Variants in MACROD2 observed in about 807,000 individuals in gnomAD.
MACROD2 encodes the protein mono-ADP ribosylhydrolase 2.
Under a neutral mutation model 70.4 loss-of-function variants are expected in MACROD2, and 36 were observed. The observed-to-expected ratio is 0.51, with a 90% CI of 0.39 to 0.68. MACROD2 has a LOEUF of 0.68. Ranked by LOEUF, MACROD2 falls within the 30% of genes least tolerant of loss-of-function variation. The probability of loss-of-function intolerance (pLI) is 0.00; values close to 1 mark genes in which losing one functional copy is unlikely to be tolerated. For missense variants in MACROD2, 496 were observed against 538.4 expected, an observed-to-expected ratio of 0.92 and a Z score of 0.78; for synonymous variants, 172 against 178.8, an observed-to-expected ratio of 0.96 and a Z score of 0.30.
intron 8 of MACROD2, among the ~76,000 whole-genome samples, chr20:15,809,833 T>A (rs1455287012): frequency 6.6e-6 from 1 of 151,406 alleles, no homozygotes; most frequent in African/African-American, 2.4e-5. Flanking sequence ...TGTGGGCACA[T>A]CTGAGTTGCC....
intron 5 of MACROD2, among the ~76,000 whole-genome samples, chr20:15,127,566 C>G (rs1389350937): frequency 2.0e-5 from 3 of 152,054 alleles, no homozygotes; most frequent in Admixed American, 6.6e-5. Context: ...GCTGGAGGCT[C>G]TATTTCAAGG....
intron 8 of MACROD2, among the ~76,000 whole-genome samples, chr20:15,778,108 G>C (rs1041843782): frequency 3.9e-5 from 6 of 152,200 alleles, no homozygotes; most frequent in Non-Finnish European, 5.9e-5. Flanking sequence ...TCAATCTTAC[G>C]TATGTTAGAG....
chr20:14,734,360 G>A (rs138445121), intron 5 of MACROD2, among the ~76,000 whole-genome samples: 1,655 of 152,014 alleles, frequency 0.011, 27 homozygotes, highest in African/African-American at 0.038. Context: ...AATTAGCCAC[G>A]TGTAGTGGCG....
chr20:15,468,513 T>TGTG (rs2046924390), intron 7 of MACROD2, among the ~76,000 whole-genome samples: 1 of 152,018 alleles, frequency 6.6e-6, no homozygotes, highest in Non-Finnish European at 1.5e-5. Context: ...ACAGTTTGAC[T>TGTG]CAAGAAAAAA....
intron 6 of MACROD2, among the ~76,000 whole-genome samples, chr20:15,258,946 G>A (rs1366364718): frequency 6.6e-6 from 1 of 151,984 alleles, no homozygotes; most frequent in Non-Finnish European, 1.5e-5. Flanking sequence ...CAGGACAAGA[G>A]AGCATAACTT....
intron 3 of MACROD2, among the ~76,000 whole-genome samples, chr20:14,347,162 T>C (rs1249463584): frequency 6.6e-6 from 1 of 152,198 alleles, no homozygotes; most frequent in African/African-American, 2.4e-5. Flanking sequence ...TCAGAGGTGC[T>C]AAGATAGCAA....
At chr20:14,762,500 C>A (rs1034556085) in intron 5 of MACROD2, among the ~76,000 whole-genome samples, 1 of 152,066 alleles carries the variant, frequency 6.6e-6, no homozygotes, top group Admixed American at 6.5e-5. Context: ...TTTAAAGAAG[C>A]CTTTTGATCA....
At chr20:14,006,887 G>C (rs2052831072) in intron 2 of MACROD2, among the ~76,000 whole-genome samples, 1 of 152,124 alleles carries the variant, frequency 6.6e-6, no homozygotes, top group South Asian at 2.1e-4. Flanking sequence ...TTTGTTCAGA[G>C]TGGGGTTTAA....
chr20:15,528,898 T>C (rs893108068), intron 8 of MACROD2, among the ~76,000 whole-genome samples: 1 of 152,202 alleles, frequency 6.6e-6, no homozygotes, highest in East Asian at 1.9e-4. Flanking sequence ...AATACAGCAT[T>C]CTCTCTTCTC....
chr20:14,034,164 C>G (rs371257671), intron 2 of MACROD2, among the ~76,000 whole-genome samples: 15 of 151,988 alleles, frequency 9.9e-5, no homozygotes, highest in African/African-American at 3.4e-4. Flanking sequence ...TTAGTAGAGA[C>G]GGGGTTTCAC....
chr20:15,423,646 G>A (rs1033245437), intron 6 of MACROD2, among the ~76,000 whole-genome samples: 5 of 151,960 alleles, frequency 3.3e-5, no homozygotes, highest in African/African-American at 4.8e-5. Flanking sequence ...AATCTTCCTG[G>A]TGTCTCTTCT....
At chr20:14,218,302 A>G (rs574113382) in intron 3 of MACROD2, among the ~76,000 whole-genome samples, 2 of 152,236 alleles carry the variant, frequency 1.3e-5, no homozygotes, top group South Asian at 4.1e-4. Context: ...GTTGCTTTAA[A>G]GTTTGTTTTG....
intron 5 of MACROD2, among the ~76,000 whole-genome samples, chr20:15,091,646 C>T (rs1880555241): frequency 6.6e-6 from 1 of 152,080 alleles, no homozygotes; most frequent in South Asian, 2.1e-4. Context: ...TCTGTGGTTT[C>T]TTACCACAGT....
At chr20:15,055,368 C>T (rs993692177) in intron 5 of MACROD2, among the ~76,000 whole-genome samples, 4 of 152,080 alleles carry the variant, frequency 2.6e-5, no homozygotes, top group Non-Finnish European at 5.9e-5. Flanking sequence ...AGGACCTAAC[C>T]GGCTGGCTGT....
chr20:16,023,671 G>A (rs868407386), intron 15 of MACROD2, among the ~76,000 whole-genome samples: 1 of 152,044 alleles, frequency 6.6e-6, no homozygotes, highest in Non-Finnish European at 1.5e-5. Context: ...ATTGTTAGCA[G>A]TTGGGACTCA....
At chr20:14,230,499 A>C (rs2122200956) in intron 3 of MACROD2, among the ~76,000 whole-genome samples, 1 of 151,266 alleles carries the variant, frequency 6.6e-6, no homozygotes, top group African/African-American at 2.4e-5. Context: ...TTATGTCTTT[A>C]GGGTTCACTT....
chr20:15,323,128 C>T (rs186684303), intron 6 of MACROD2, among the ~76,000 whole-genome samples: 1 of 152,148 alleles, frequency 6.6e-6, no homozygotes, highest in East Asian at 1.9e-4. Context: ...TTGCCTTTGC[C>T]AGTTATTGAG....
intron 3 of MACROD2, among the ~76,000 whole-genome samples, chr20:14,107,102 A>T (rs2054379465): frequency 6.6e-6 from 1 of 152,230 alleles, no homozygotes; most frequent in African/African-American, 2.4e-5. Context: ...GACCTTTCAG[A>T]CAGACAAATC....
chr20:14,766,996 G>C, intron 5 of MACROD2, among the ~76,000 whole-genome samples: 1 of 152,020 alleles, frequency 6.6e-6, no homozygotes, highest in East Asian at 1.9e-4. Flanking sequence ...TGATCTTCAT[G>C]GTTGGTCACA....
Sources: allele counts gnomAD v4.1 joint callset (sites outside exome capture counted in the v4.1 genomes callset), GRCh38; gene constraint gnomAD v4.1.1; transcripts MANE v1.5; gene names NCBI Gene and HGNC (gene_info 2026-07-23, HGNC 2026-07-21).